FSTL4: variants seen among roughly 807,000 people sequenced by gnomAD.
FSTL4 encodes the protein follistatin like 4.
Under a neutral mutation model 78.2 loss-of-function variants are expected in FSTL4, and 28 were observed. That is an observed-to-expected ratio of 0.36 (90% CI 0.27 to 0.49). The LOEUF (loss-of-function observed/expected upper bound fraction) is 0.49, where lower values mean the gene tolerates loss of function less well. Ranked by LOEUF, FSTL4 falls within the 20% of genes least tolerant of loss-of-function variation. FSTL4 has a pLI of 0.98. For synonymous variants in FSTL4, 422 were observed against 440.5 expected, an observed-to-expected ratio of 0.96 and a Z score of 0.53; for missense variants, 922 against 1,084.9, an observed-to-expected ratio of 0.85 and a Z score of 2.11.
Position 133,454,260 on chromosome 5 carries a change from G to T in FSTL4, c.161-53274C>A, listed in dbSNP as rs866915205. Among the ~76,000 whole-genome samples the T allele has an allele frequency of 7.3e-4, 111 of 152,304 alleles. 1 individual carries two copies. In the Middle Eastern group the frequency reaches 0.01, roughly 14 times the overall value. On this transcript the variant is annotated intron_variant, in intron 3 of 15. Coordinates refer to ENST00000265342, the MANE Select transcript of FSTL4 (RefSeq NM_015082.2). ...TTGGTTTTGCAATAAAGCATGTATT[G>T]TAAAAACAAAGGTTTAATGATATAT...
intron 3 of FSTL4, among the ~76,000 whole-genome samples, chr5:133,496,498 A>G (rs1049092147): frequency 7.9e-5 from 12 of 152,180 alleles, no homozygotes; most frequent in Non-Finnish European, 1.6e-4. Context: ...GGAATCAGGG[A>G]GCCCTGGGAC....
intron 3 of FSTL4, among the ~76,000 whole-genome samples, chr5:133,431,003 T>A (rs1432315266): frequency 6.6e-6 from 1 of 152,156 alleles, no homozygotes; most frequent in Non-Finnish European, 1.5e-5. Context: ...AATGGACTTT[T>A]GATGGAAAAA....
chr5:133,701,360 G>A, the FSTL4 span, among the ~76,000 whole-genome samples: 59 of 144,730 alleles, frequency 4.1e-4, no homozygotes, highest in Middle Eastern at 3.9e-3. Context: ...CCGAGATCAC[G>A]CCACTGCACT....
chr5:133,812,400 C>G, the FSTL4 span, among the ~76,000 whole-genome samples: 1 of 152,226 alleles, frequency 6.6e-6, no homozygotes, highest in Non-Finnish European at 1.5e-5. Context: ...GATCTGTCCC[C>G]TGACACTTCT....
At chr5:133,577,809 G>A (rs997019043) in intron 2 of FSTL4, among the ~76,000 whole-genome samples, 21 of 152,202 alleles carry the variant, frequency 1.4e-4, no homozygotes, top group Non-Finnish European at 3.1e-4. Flanking sequence ...GTGAGGCTGA[G>A]GTGGGAGGAT....
the FSTL4 span, among the ~76,000 whole-genome samples, chr5:133,730,396 A>T: frequency 6.6e-6 from 1 of 152,144 alleles, no homozygotes; most frequent in Non-Finnish European, 1.5e-5. Context: ...AGTGAACTAG[A>T]CGGGACTCAG....
intron 3 of FSTL4, among the ~76,000 whole-genome samples, chr5:133,532,400 T>C (rs531405320): frequency 3.9e-5 from 6 of 152,352 alleles, no homozygotes; most frequent in Admixed American, 3.3e-4. Context: ...TAGAGAATTA[T>C]GTTCAATATC....
chr5:133,278,263 G>C (rs561039957), intron 6 of FSTL4, among the ~76,000 whole-genome samples: 1 of 152,146 alleles, frequency 6.6e-6, no homozygotes, highest in Non-Finnish European at 1.5e-5. Context: ...AGAGCTCTGG[G>C]GTTCCATGTG....
At chr5:133,287,374 C>T (rs996706264) in intron 6 of FSTL4, among the ~76,000 whole-genome samples, 10 of 140,844 alleles carry the variant, frequency 7.1e-5, no homozygotes, top group African/African-American at 2.5e-4. Flanking sequence ...GGTGACAGAG[C>T]GAGACTCCAT....
chr5:133,781,341 A>C, the FSTL4 span, among the ~76,000 whole-genome samples: 1 of 151,340 alleles, frequency 6.6e-6, no homozygotes, highest in Non-Finnish European at 1.5e-5. Context: ...AGCATTCCAA[A>C]CAAGGTCACT....
At chr5:133,787,528 A>C in the FSTL4 span, among the ~76,000 whole-genome samples, 2 of 152,212 alleles carry the variant, frequency 1.3e-5, no homozygotes, top group Non-Finnish European at 2.9e-5. Flanking sequence ...GATGGGAAGA[A>C]GAGCAAAGAC....
At chr5:133,476,351 C>T (rs897568804) in intron 3 of FSTL4, among the ~76,000 whole-genome samples, 2 of 152,194 alleles carry the variant, frequency 1.3e-5, no homozygotes, top group African/African-American at 4.8e-5. Context: ...GTGTATACCA[C>T]ATTGCAGTTT....
chr5:133,545,476 T>C (rs1310726033), intron 3 of FSTL4, among the ~76,000 whole-genome samples: 1 of 152,226 alleles, frequency 6.6e-6, no homozygotes, highest in Non-Finnish European at 1.5e-5. Flanking sequence ...TGATGCAGCA[T>C]GAAGCCCTCA....
intron 4 of FSTL4, among the ~76,000 whole-genome samples, chr5:133,355,331 G>A (rs1247580675): frequency 2.0e-5 from 3 of 152,198 alleles, no homozygotes; most frequent in African/African-American, 7.2e-5. Flanking sequence ...GACACACTAA[G>A]CTCTAGCAGA....
intron 7 of FSTL4, among the ~76,000 whole-genome samples, chr5:133,240,633 C>G (rs1002218050): frequency 2.0e-5 from 3 of 152,060 alleles, no homozygotes; most frequent in African/African-American, 7.3e-5. Context: ...CTTCTTCTGA[C>G]TGTGGATGCC....
the FSTL4 span, among the ~76,000 whole-genome samples, chr5:133,640,348 A>G: frequency 1.3e-5 from 2 of 152,208 alleles, no homozygotes; most frequent in Non-Finnish European, 2.9e-5. Flanking sequence ...ATAAATCACC[A>G]TGTGTCAATC....
In FSTL4 at chr5:133,611,607, C is replaced by G. The variant is rs1462992902; in HGVS notation, c.-11+718G>C. Among the ~76,000 whole-genome samples the G allele has an allele frequency of 6.6e-6, 1 of 152,206 alleles. No homozygotes were observed. The highest frequency in any genetic ancestry group is 2.4e-5 in the African/African-American group (1 of 41,468). Reference sequence around the variant, plus strand: ...CTGAACGCCCCCAACACACTGCTCCCTAGACACGTTCAAGCGGGTACCCCG... The same window carrying G: ...CTGAACGCCCCCAACACACTGCTCCGTAGACACGTTCAAGCGGGTACCCCG... On this transcript the variant is annotated intron_variant, in intron 1 of 15. Coordinates refer to ENST00000265342, the MANE Select transcript of FSTL4 (RefSeq NM_015082.2). The surrounding 1 kb of genome is among the most constrained non-coding windows in gnomAD (Gnocchi z 4.9).
intron 6 of FSTL4, among the ~76,000 whole-genome samples, chr5:133,306,707 C>T (rs959373408): frequency 6.6e-6 from 1 of 152,222 alleles, no homozygotes; most frequent in Non-Finnish European, 1.5e-5. Flanking sequence ...CATGTCTGGA[C>T]TCCTCTCCTT....
intron 3 of FSTL4, among the ~76,000 whole-genome samples, chr5:133,468,797 G>A (rs2112846334): frequency 6.6e-6 from 1 of 152,242 alleles, no homozygotes; most frequent in African/African-American, 2.4e-5. Flanking sequence ...TCACCTCCAG[G>A]ACTTTCCAGC....
Sources: allele counts gnomAD v4.1 joint callset (sites outside exome capture counted in the v4.1 genomes callset), GRCh38; gene constraint gnomAD v4.1.1; non-coding constraint Gnocchi (gnomAD v3.1); transcripts MANE v1.5; gene names NCBI Gene and HGNC (gene_info 2026-07-23, HGNC 2026-07-21).